EFCAB3: variants seen among roughly 807,000 people sequenced by gnomAD.
EFCAB3 encodes EF-hand calcium binding domain 3, also known as EF-hand calcium-binding domain-containing protein 3.
A neutral mutation model predicts 42.2 loss-of-function variants in EFCAB3; 36 were observed. The ratio of observed to expected loss-of-function variants is 0.85; its 90% CI spans 0.65 to 1.13. The LOEUF is 1.13. Ranked by LOEUF, EFCAB3 falls within the 50% of genes most tolerant of loss-of-function variation. The pLI is 0.00. For missense variants in EFCAB3, 418 were observed against 505.1 expected (o/e 0.83, Z 1.65); for synonymous variants, 170 against 172.8 (o/e 0.98, Z 0.13).
At chr17:62,394,560 A>T (rs1261411281) in intron 5 of EFCAB3, among the ~76,000 whole-genome samples, 1 of 152,142 alleles carries the variant, frequency 6.6e-6, no homozygotes, top group Non-Finnish European at 1.5e-5. Context: ...TTGTACTTGA[A>T]ATATTGTCAT....
At chr17:62,393,424 C>T in intron 4 of EFCAB3, 149 bp from the exon 5 acceptor site, 2 of 613,302 alleles carry the variant, frequency 3.3e-6, no homozygotes, top group South Asian at 2.5e-5. Flanking sequence ...TTCAAGAAGA[C>T]CAGGGCTCAC....
At chr17:62,407,267 T>C (rs1046955333) in intron 8 of EFCAB3, 55 bp downstream of exon 8, 1 of 1,397,528 alleles carries the variant, frequency 7.2e-7, no homozygotes, top group African/African-American at 1.5e-5. Flanking sequence ...AAGCACTAAC[T>C]TAACAGAACT....
At chr17:62,402,686 G>C (rs2144100093) in intron 6 of EFCAB3, among the ~76,000 whole-genome samples, 1 of 152,258 alleles carries the variant, frequency 6.6e-6, no homozygotes, top group Non-Finnish European at 1.5e-5. Context: ...GCTGGATTCG[G>C]TTTGCCAGTA....
chr17:62,377,860 A>G, upstream of EFCAB3: 3 of 847,362 alleles, frequency 3.5e-6, no homozygotes, highest in Non-Finnish European at 5.4e-6. Flanking sequence ...CATTTTCTTA[A>G]TTTTTTCACT....
chr17:62,381,977 G>C, intron 1 of EFCAB3: 1 of 282,630 alleles, frequency 3.5e-6, no homozygotes, highest in Non-Finnish European at 7.5e-6. Flanking sequence ...GGTGTCCAAA[G>C]AGTCAGACGA....
intron 6 of EFCAB3, among the ~76,000 whole-genome samples, chr17:62,396,662 A>T (rs1249729876): frequency 1.3e-5 from 2 of 152,098 alleles, no homozygotes; most frequent in Non-Finnish European, 2.9e-5. Flanking sequence ...GGGGGCTGAG[A>T]TGGGAGGATG....
chr17:62,380,472 G>C, upstream of EFCAB3: 1 of 730,402 alleles, frequency 1.4e-6, no homozygotes, highest in African/African-American at 1.9e-5. Context: ...TGTAAGGTTG[G>C]AAGGAGCTCC....
At chr17:62,400,767 T>C (rs76471156) in intron 6 of EFCAB3, among the ~76,000 whole-genome samples, 1 of 152,186 alleles carries the variant, frequency 6.6e-6, no homozygotes, top group Non-Finnish European at 1.5e-5. Context: ...CTGGGTCAAA[T>C]GGTATTTCTA....
chr17:62,403,614 C>T (rs549930173), intron 6 of EFCAB3, among the ~76,000 whole-genome samples: 39 of 152,234 alleles, frequency 2.6e-4, no homozygotes, highest in African/African-American at 9.1e-4. Context: ...CATAATATAT[C>T]CTTTGCTTAA....
intron 6 of EFCAB3, among the ~76,000 whole-genome samples, chr17:62,402,326 G>A (rs2070410983): frequency 1.3e-5 from 2 of 152,090 alleles, no homozygotes; most frequent in South Asian, 4.1e-4. Flanking sequence ...CCAACACTAT[G>A]TTGAATAGGA....
chr17:62,378,066 AC>A, upstream of EFCAB3: 2 of 1,444,100 alleles, frequency 1.4e-6, no homozygotes, highest in Non-Finnish European at 1.9e-6. Flanking sequence ...GGGGCTTAAT[AC>A]TTTGACTTAC....
upstream of EFCAB3, chr17:62,378,072 A>C (rs756272614): frequency 1.6e-5 from 23 of 1,432,232 alleles, no homozygotes; most frequent in Non-Finnish European, 1.9e-5. Context: ...TAATACTTTG[A>C]CTTACATTTT....
upstream of EFCAB3, among the ~76,000 whole-genome samples, chr17:62,376,163 C>G (rs1297007444): frequency 6.6e-6 from 1 of 152,150 alleles, no homozygotes; most frequent in Non-Finnish European, 1.5e-5. Flanking sequence ...CTCAATAATA[C>G]TACATTTTCA....
At chr17:62,409,554 T>C (rs1178917154) in intron 8 of EFCAB3, among the ~76,000 whole-genome samples, 4 of 152,032 alleles carry the variant, frequency 2.6e-5, no homozygotes, top group Non-Finnish European at 5.9e-5. Context: ...TAAAAATAAA[T>C]TTTTTAATTA....
rs1209360979 is a variant in EFCAB3 at position 62,387,325 on chromosome 17, C to T, written c.75-15C>T. 6.3e-7 allele frequency: 1 copy of T among 1,593,918 alleles called. No individual in the cohort carries two copies. The highest frequency in any genetic ancestry group is 8.6e-7 in the Non-Finnish European group (1 of 1,166,074). ...CATAGGTAGTAAATCTAAATATTTT[C>T]ACATCTTTCCTCAGGGATAGAGACT... On this transcript the variant is annotated splice_polypyrimidine_tract_variant and intron_variant, in intron 2 of 9. Transcript: ENST00000305286.
At chr17:62,411,196 A>G (rs1225772932) in intron 8 of EFCAB3, among the ~76,000 whole-genome samples, 1 of 152,198 alleles carries the variant, frequency 6.6e-6, no homozygotes, top group Admixed American at 6.5e-5. Context: ...TACAAGCCAT[A>G]AAAGGAAATA....
At chr17:62,403,408 TA>T (rs2070421161) in intron 6 of EFCAB3, among the ~76,000 whole-genome samples, 1 of 152,172 alleles carries the variant, frequency 6.6e-6, no homozygotes, top group African/African-American at 2.4e-5. Context: ...TCTGTTTCCA[TA>T]TTTGCCATCT....
chr17:62,414,796 T>C (rs2070530965), intron 9 of EFCAB3, among the ~76,000 whole-genome samples: 1 of 152,098 alleles, frequency 6.6e-6, no homozygotes, highest in Admixed American at 6.6e-5. Flanking sequence ...GTCTGGCTGA[T>C]TGTCATTCTC....
chr17:62,406,542 G>T lies in EFCAB3; in HGVS notation c.551G>T (p.Gly184Val). ...PGMLWSPYTM[G>V]YGKRTLKPDI... Reference sequence around the variant, plus strand: ...ATGTTGTGGAGTCCCTACACTATGGGCTATGGAAAAAGGACACTTAAGCCA... The same window carrying T: ...ATGTTGTGGAGTCCCTACACTATGGTCTATGGAAAAAGGACACTTAAGCCA... Residue 184 changes from glycine to valine, a missense_variant, in exon 7 of 10, where the codon GGC becomes GTC. By Grantham distance (109) the Gly-to-Val change is moderately radical. Coordinates refer to ENST00000305286, the MANE Select transcript of EFCAB3 (RefSeq NM_173503.4). 1 of 1,613,894 alleles carries T rather than the reference G, an allele frequency of 6.2e-7. No individual in the cohort carries two copies. Among genetic ancestry groups the T allele is most frequent in the Non-Finnish European group, 8.5e-7 (1 of 1,179,962 alleles).
Sources: gnomAD v4.1 joint callset for allele counts (sites outside exome capture counted in the v4.1 genomes callset) on GRCh38, gnomAD v4.1.1 for gene constraint, MANE v1.5 for transcripts, NCBI Gene and HGNC (gene_info 2026-07-23, HGNC 2026-07-21) for gene names.